Variants in ZP2 observed in about 807,000 individuals in gnomAD.
ZP2 encodes the protein zona pellucida sperm-binding protein 2.
Under a neutral mutation model 84.0 loss-of-function variants are expected in ZP2, and 51 were observed. The ratio of observed to expected loss-of-function variants is 0.61; its 90% confidence interval spans 0.49 to 0.77. The LOEUF is 0.77. Ranked by LOEUF, ZP2 falls within the 30% of genes least tolerant of loss-of-function variation. The pLI, the probability that ZP2 is intolerant of heterozygous loss-of-function variation, is 0.00. For missense variants in ZP2, 909 were observed against 911.9 expected (o/e 1.00, Z 0.04); for synonymous variants, 375 against 330.9 (o/e 1.13, Z -1.45).
intron 2 of ZP2, among the ~76,000 whole-genome samples, chr16:21,210,603 GTCTC>G (rs57083970): frequency 6.6e-6 from 1 of 152,198 alleles, no homozygotes; most frequent in African/African-American, 2.4e-5. Context: ...TTGAGACGGA[GTCTC>G]TCTGTCACCC....
intron 9 of ZP2, 38 bp from the exon 10 acceptor site, chr16:21,203,289 T>C (rs778832931): frequency 1.9e-6 from 3 of 1,608,922 alleles, no homozygotes; most frequent in East Asian, 2.2e-5. Context: ...CCACAGTCCG[T>C]TGGGGCCCGG....
chr16:21,204,451 ATC>A (rs1272753011), intron 7 of ZP2, 47 bp from the exon 8 acceptor site: 30 of 1,478,134 alleles, frequency 2.0e-5, no homozygotes, highest in Non-Finnish European at 2.7e-5. Flanking sequence ...GGTTACTTGA[ATC>A]TCTAACCAGT....
rs971493340 is a variant in ZP2 at position 21,209,712 on chromosome 16, G to A, written c.249C>T (p.Leu83=). 33 of 1,613,966 alleles carry A rather than the reference G, an allele frequency of 2.0e-5. No individual in the cohort carries two copies. Among genetic ancestry groups the A allele is most frequent in the Non-Finnish European group, 2.5e-5 (29 of 1,179,988 alleles). ...GGATGTAAGTGCAGTTCGGCATGTCGAGACCAAGAGGATCTGCCAAGGCCA... is the reference window on the plus strand; with the variant it reads ...GGATGTAAGTGCAGTTCGGCATGTCAAGACCAAGAGGATCTGCCAAGGCCA... ...WHASVVDPLG[L]DMPNCTYILD... The change falls in exon 4 of 19, where the codon CTC becomes CTT. Residue 83 remains leucine, a synonymous_variant. Transcript: ENST00000574091.
intron 17 of ZP2, among the ~76,000 whole-genome samples, chr16:21,198,395 CAA>C (rs1555458062): frequency 6.6e-6 from 1 of 150,860 alleles, no homozygotes; most frequent in Non-Finnish European, 1.5e-5. Flanking sequence ...AACTTTATCT[CAA>C]AAAGAAAAAA....
At chr16:21,214,402 G>T (rs2093284457), upstream of ZP2, 2 of 467,400 alleles carry the variant, frequency 4.3e-6, no homozygotes, top group Non-Finnish European at 5.6e-6. Flanking sequence ...CTATCAGGAG[G>T]TAGGAAAAAC....
At chr16:21,214,460 GTGGGAGCTGAACAA>G, upstream of ZP2, 1 of 169,026 alleles carries the variant, frequency 5.9e-6, no homozygotes, top group Non-Finnish European at 1.2e-5. Context: ...TCACTTATAA[GTGGGAGCTGAACAA>G]TGAGAACACA....
rs1188597883 is a variant in ZP2, at chr16:21,205,582, C to A, written c.531G>T (p.Gly177=). 3 of 1,613,856 alleles carry A rather than the reference C, an allele frequency of 1.9e-6. No individual in the cohort carries two copies. The East Asian group carries it at 6.7e-5, about 36-fold the overall frequency. ...VFSGLADDSK[G]TKVQMGWSIE... ...TGCTCCATCCCATCTGAACTTTGGT[C>A]CCCTGAAGTCAAAAAGCTTTGTTTA... The change falls in exon 7 of 19, where the codon GGG becomes GGT. Residue 177 remains glycine, a splice_region_variant and synonymous_variant. Transcript: ENST00000574091.
Position 21,201,767 on chromosome 16 carries a change from A to T in ZP2, c.1443T>A (p.Leu481=). 6.2e-7 allele frequency: 1 copy of T among 1,614,150 alleles called. No individual in the cohort carries two copies. The highest frequency in any genetic ancestry group is 8.5e-7 in the Non-Finnish European group (1 of 1,180,022). The change falls in exon 13 of 19, where the codon CTT becomes CTA. Residue 481 remains leucine, a synonymous_variant. Transcript: ENST00000574091. The stretch of plus-strand genomic sequence containing the variant: ...ACTTCACTGAGGCCACTGGAGGAGT[A>T]AGGCTTTCAACGTTGATGTTTAGTA... The part of the protein sequence containing the change: ...DMLLNINVES[L]TPPVASVKLG...
intron 4 of ZP2, among the ~76,000 whole-genome samples, chr16:21,209,034 G>T (rs1366242985): frequency 6.6e-6 from 1 of 152,182 alleles, no homozygotes; most frequent in Non-Finnish European, 1.5e-5. Flanking sequence ...GTGTTATGGG[G>T]AGGAGACTTG....
At chr16:21,207,350 C>A (rs2093254537) in intron 4 of ZP2, among the ~76,000 whole-genome samples, 1 of 152,082 alleles carries the variant, frequency 6.6e-6, no homozygotes, top group South Asian at 2.1e-4. Context: ...GTAGAGCTAC[C>A]CTTGCTATTA....
In ZP2 at chr16:21,201,709, G is replaced by C; in HGVS notation, c.1501C>G (p.Pro501Ala). Residue 501 changes from proline to alanine, a missense_variant, in exon 13 of 19, where the codon CCA (proline) becomes GCA (alanine). Physicochemically the swap from Pro to Ala is conservative, Grantham distance 27. Coordinates refer to ENST00000574091, the MANE Select transcript of ZP2 (RefSeq NM_001376232.1). ...TTCACAGACTGCAATCTCTTACCTG[G>C]GTAGCTTTGCAGGATCAAGGTAAAT... ...GPFTLILQSYPDNSYQQPYGE... is the reference protein window; with the variant it reads ...GPFTLILQSYADNSYQQPYGE... 6.2e-7 allele frequency: 1 copy of C among 1,613,996 alleles called. No individual in the cohort carries two copies.
intron 3 of ZP2, 68 bp from the exon 4 acceptor site, chr16:21,209,793 G>T (rs1436419786): frequency 4.3e-6 from 6 of 1,382,778 alleles, no homozygotes; most frequent in African/African-American, 1.4e-5. Flanking sequence ...AAGCTATAGA[G>T]TCAAGACCAC....
chr16:21,207,048 G>C, intron 4 of ZP2, 58 bp from the exon 5 acceptor site: 1 of 1,600,686 alleles, frequency 6.2e-7, no homozygotes, highest in Non-Finnish European at 8.5e-7. Flanking sequence ...TGGGATTCTA[G>C]AATACCATCT....
chr16:21,198,901 AT>A, intron 16 of ZP2, 39 bp from the exon 17 acceptor site: 1 of 1,576,328 alleles, frequency 6.3e-7, no homozygotes, highest in Non-Finnish European at 8.7e-7. Context: ...GGCCTCTGGA[AT>A]AGTGGTTCGA....
rs2093245401 is a variant in ZP2 at position 21,205,508 on chromosome 16, G to T, written c.605C>A (p.Ala202Asp). ...CAAGAGGCTGAAGCCTTCCTTCATG[G>T]CCTCTGGCAGGGTCAGAGTTTTGGC... is the stretch of plus-strand genomic sequence containing the variant. ...ARAKTLTLPEAMKEGFSLLID... is the reference protein window; with the variant it reads ...ARAKTLTLPEDMKEGFSLLID... The change falls in exon 7 of 19, where the codon GCC becomes GAC. Residue 202 changes from alanine to aspartate, a missense_variant. Transcript: ENST00000574091. 3.1e-6 allele frequency: 5 copies of T among 1,614,020 alleles called. No homozygotes were observed. The highest frequency in any genetic ancestry group is 4.2e-6 in the Non-Finnish European group (5 of 1,179,992).
intron 7 of ZP2, among the ~76,000 whole-genome samples, 163 bp downstream of exon 7, chr16:21,205,257 T>C (rs2093244143): frequency 6.6e-6 from 1 of 152,198 alleles, no homozygotes; most frequent in South Asian, 2.1e-4. Context: ...CCTTCCAAAG[T>C]GCTGGGATTA....
At chr16:21,199,538 G>T (rs2152854534) in intron 16 of ZP2, 32 bp downstream of exon 16, 2 of 1,524,020 alleles carry the variant, frequency 1.3e-6, no homozygotes, top group East Asian at 2.3e-5. Context: ...CTTTGAATTA[G>T]ACTCACAGAA....
At position 21,206,868 on chromosome 16, in the gene ZP2, T is replaced by A. The variant is rs1442859352; in HGVS notation, c.453A>T (p.Ala151=). 1.9e-6 allele frequency: 3 copies of A among 1,614,194 alleles called. No homozygotes were observed. Among genetic ancestry groups the A allele is most frequent in the Non-Finnish European group, 2.5e-6 (3 of 1,180,020 alleles). The part of the protein sequence containing the change: ...MQVEETQGLS[A]STICQKDFMS... The stretch of plus-strand genomic sequence containing the variant: ...TGAAATCCTTCTGGCAGATTGTAGA[T>A]GCTGAAAGCCCCTGGGTCTCTTCTA... The change falls in exon 5 of 19, where the codon GCA becomes GCT. Residue 151 remains alanine (A), a synonymous_variant. Transcript: ENST00000574091.
At chr16:21,201,671 T>C (rs779979112) in intron 13 of ZP2, 35 bp downstream of exon 13, 4 of 1,613,820 alleles carry the variant, frequency 2.5e-6, no homozygotes, top group Non-Finnish European at 2.5e-6. Context: ...AAGTTTGAGA[T>C]CATTTAAGCA....
Sources: allele counts gnomAD v4.1 joint callset (sites outside exome capture counted in the v4.1 genomes callset), GRCh38; gene constraint gnomAD v4.1.1; transcripts MANE v1.5; gene names NCBI Gene and HGNC (gene_info 2026-07-23, HGNC 2026-07-21).